CTNNA3: variants seen among roughly 807,000 people sequenced by gnomAD.
CTNNA3 encodes catenin alpha-3.
A neutral mutation model predicts 95.7 loss-of-function variants in CTNNA3; 76 were observed. The ratio of observed to expected loss-of-function variants is 0.79; its 90% confidence interval spans 0.66 to 0.96. The LOEUF (loss-of-function observed/expected upper bound fraction) is 0.96, where lower values mean the gene tolerates loss of function less well. CTNNA3 is among the 40% of genes least tolerant of loss of function. The pLI is 0.00. For missense variants in CTNNA3, 1,191 were observed against 1,089.8 expected, an observed-to-expected ratio of 1.09 and a Z score of -1.31; for synonymous variants, 431 against 374.4, an observed-to-expected ratio of 1.15 and a Z score of -1.74.
At chr10:66,180,678 T>C (rs1479837309) in intron 13 of CTNNA3, among the ~76,000 whole-genome samples, 2 of 152,174 alleles carry the variant, frequency 1.3e-5, no homozygotes, top group African/African-American at 4.8e-5. Flanking sequence ...ATCCGCAATA[T>C]GGCAGTGCTT....
At chr10:66,481,256 T>G (rs947567839) in intron 11 of CTNNA3, among the ~76,000 whole-genome samples, 1 of 152,102 alleles carries the variant, frequency 6.6e-6, no homozygotes, top group Non-Finnish European at 1.5e-5. Context: ...TAAAATACAC[T>G]TTACAGTTTT....
At chr10:66,085,540 A>G (rs2080950388) in intron 14 of CTNNA3, among the ~76,000 whole-genome samples, 1 of 151,958 alleles carries the variant, frequency 6.6e-6, no homozygotes, top group Admixed American at 6.6e-5. Context: ...TTTTTGATTT[A>G]TTTTTCTTTC....
At chr10:66,532,142 T>C (rs180775079) in intron 10 of CTNNA3, among the ~76,000 whole-genome samples, 1 of 152,174 alleles carries the variant, frequency 6.6e-6, no homozygotes, top group African/African-American at 2.4e-5. Context: ...GTGTGTTTCA[T>C]ATAATAAGAG....
chr10:66,495,557 A>G (rs775951486), intron 11 of CTNNA3, among the ~76,000 whole-genome samples: 1 of 152,208 alleles, frequency 6.6e-6, no homozygotes, highest in Non-Finnish European at 1.5e-5. Context: ...TATCAATATC[A>G]TAACACAAAA....
At chr10:66,806,756 ATGTGTGTGTG>A (rs57749652) in intron 7 of CTNNA3, among the ~76,000 whole-genome samples, 61,704 of 145,698 alleles carry the variant, frequency 0.42, 13,312 homozygotes, top group Admixed American at 0.5. Context: ...TGTGGCATAT[ATGTGTGTGTG>A]TGTGTGTGTG....
At position 66,797,422 on chromosome 10, in the gene CTNNA3, A is replaced by AAAAAC. The variant is rs33946637; in HGVS notation, c.1048-21899_1048-21898insGTTTT. Among the ~76,000 whole-genome samples the AAAAAC allele has an allele frequency of 2.7e-4, 40 of 148,874 alleles. 2 individuals carry two copies. Among genetic ancestry groups the AAAAAC allele is most frequent in the African/African-American group, 9.0e-4 (36 of 39,918 alleles). On this transcript the variant is annotated intron_variant, in intron 7 of 17. Transcript: ENST00000433211. ...CAAAAGTAAGAAAAAAAAAAAAAAA[A>AAAAAC]CCCACATTTAAATACTAACACTATT...
chr10:67,316,441 T>C (rs1841053439), intron 5 of CTNNA3, among the ~76,000 whole-genome samples: 1 of 152,120 alleles, frequency 6.6e-6, no homozygotes, highest in Non-Finnish European at 1.5e-5. Flanking sequence ...ATTCTAATAG[T>C]TAAATCTAGT....
intron 5 of CTNNA3, among the ~76,000 whole-genome samples, chr10:67,318,508 AG>A (rs1310796280): frequency 6.6e-6 from 1 of 152,218 alleles, no homozygotes; most frequent in Non-Finnish European, 1.5e-5. Context: ...CATAAACCAA[AG>A]AACAAACAAT....
intron 2 of CTNNA3, among the ~76,000 whole-genome samples, chr10:67,642,494 G>A (rs1289264375): frequency 6.6e-6 from 1 of 152,146 alleles, no homozygotes; most frequent in Non-Finnish European, 1.5e-5. Flanking sequence ...GAGGCAGGTG[G>A]ATCACCTGAG....
chr10:67,007,610 C>G (rs1852072837), intron 7 of CTNNA3, among the ~76,000 whole-genome samples: 1 of 151,882 alleles, frequency 6.6e-6, no homozygotes, highest in Non-Finnish European at 1.5e-5. Context: ...AAGGTAAAGG[C>G]TTTTTTCTGA....
At chr10:66,004,449 T>C (rs145834664) in intron 15 of CTNNA3, among the ~76,000 whole-genome samples, 44 of 152,290 alleles carry the variant, frequency 2.9e-4, no homozygotes, top group African/African-American at 8.7e-4. Flanking sequence ...GGAATTACTA[T>C]GGTTTTCTCC....
At chr10:66,470,025 G>C (rs924589964) in intron 11 of CTNNA3, among the ~76,000 whole-genome samples, 1 of 151,772 alleles carries the variant, frequency 6.6e-6, no homozygotes, top group South Asian at 2.1e-4. Context: ...AATATTTTGA[G>C]AAGGATCCAC....
At chr10:66,243,431 CATAATAAGAAATTTG>C (rs2090184397) in intron 13 of CTNNA3, among the ~76,000 whole-genome samples, 1 of 152,164 alleles carries the variant, frequency 6.6e-6, no homozygotes, top group Non-Finnish European at 1.5e-5. Context: ...ACTTCATATG[CATAATAAGAAATTTG>C]GTCTCCCAAA....
intron 1 of CTNNA3, among the ~76,000 whole-genome samples, chr10:67,671,868 T>C (rs992647660): frequency 1.4e-4 from 22 of 152,228 alleles, no homozygotes; most frequent in African/African-American, 4.6e-4. Flanking sequence ...CCTTTGGGTA[T>C]ATACCCAGTA....
intron 1 of CTNNA3, among the ~76,000 whole-genome samples, chr10:67,727,884 C>G (rs190409286): frequency 1.9e-5 from 2 of 105,176 alleles, no homozygotes; most frequent in East Asian, 4.2e-4. Flanking sequence ...GTATATATCA[C>G]ATATTATATT....
chr10:66,449,473 G>C (rs570225006), intron 11 of CTNNA3, among the ~76,000 whole-genome samples: 2 of 152,052 alleles, frequency 1.3e-5, no homozygotes, highest in East Asian at 3.9e-4. Context: ...TTTTCCAATT[G>C]TTTGATTTTT....
intron 5 of CTNNA3, among the ~76,000 whole-genome samples, chr10:67,455,490 G>A (rs900562736): frequency 2.0e-5 from 3 of 152,132 alleles, no homozygotes; most frequent in African/African-American, 7.2e-5. Context: ...GTAGGAAGGG[G>A]AAGGGACAGG....
intron 5 of CTNNA3, among the ~76,000 whole-genome samples, chr10:67,378,699 C>T (rs1015920667): frequency 2.5e-4 from 38 of 152,142 alleles, no homozygotes; most frequent in African/African-American, 9.2e-4. Context: ...CAGTGTCCTC[C>T]AGTTCCAACC....
intron 1 of CTNNA3, among the ~76,000 whole-genome samples, chr10:67,722,098 C>T (rs1238530086): frequency 2.0e-5 from 3 of 152,196 alleles, no homozygotes; most frequent in African/African-American, 7.2e-5. Flanking sequence ...TAAGTTAAAA[C>T]TTTTAACAAT....
Sources: allele counts gnomAD v4.1 joint callset (sites outside exome capture counted in the v4.1 genomes callset), GRCh38; gene constraint gnomAD v4.1.1; transcripts MANE v1.5; gene names NCBI Gene and HGNC (gene_info 2026-07-23, HGNC 2026-07-21).